Variants in RIMKLB observed in about 807,000 individuals in gnomAD.
RIMKLB encodes beta-citrylglutamate synthase B.
A neutral mutation model predicts 32.0 loss-of-function variants in RIMKLB; 7 were observed. That is an observed-to-expected ratio of 0.22 (90% CI 0.12 to 0.41). The LOEUF (loss-of-function observed/expected upper bound fraction) is 0.41. RIMKLB is among the 10% of genes least tolerant of loss of function. The probability of loss-of-function intolerance (pLI) is 1.00; values close to 1 mark genes in which losing one functional copy is unlikely to be tolerated. For missense variants in RIMKLB, 289 were observed against 498.7 expected (o/e 0.58, Z 4.00); for synonymous variants, 172 against 185.1 (o/e 0.93, Z 0.57).
chr12:8,716,575 T>TA (rs1944863530), intron 2 of RIMKLB, among the ~76,000 whole-genome samples: 1 of 148,668 alleles, frequency 6.7e-6, no homozygotes. Flanking sequence ...TTTTTTTTTT[T>TA]AGACTAAGAG....
chr12:8,692,472 G>A (rs774765535), upstream of RIMKLB, among the ~76,000 whole-genome samples: 34 of 152,086 alleles, frequency 2.2e-4, no homozygotes, highest in Non-Finnish European at 3.7e-4. Context: ...CAGAGGTCAA[G>A]GAATCTGCAT....
intron 2 of RIMKLB, among the ~76,000 whole-genome samples, chr12:8,718,661 ATATATATATGTGTGTGTGTGTGTGTGTG>A (rs1945114666): frequency 6.8e-5 from 8 of 118,400 alleles, no homozygotes; most frequent in African/African-American, 2.4e-4. Flanking sequence ...CTCTATATAT[ATATATATATGTGTGTGTGTGTGTGTGTG>A]TGTGTGTGTG....
intron 2 of RIMKLB, among the ~76,000 whole-genome samples, chr12:8,738,984 A>G (rs1362445348): frequency 6.6e-6 from 1 of 152,232 alleles, no homozygotes; most frequent in Non-Finnish European, 1.5e-5. Flanking sequence ...GCTTTGTCAC[A>G]TTTGAGGTTA....
chr12:8,724,945 C>G (rs1945837169), intron 2 of RIMKLB, among the ~76,000 whole-genome samples: 1 of 152,150 alleles, frequency 6.6e-6, no homozygotes, highest in Admixed American at 6.5e-5. Flanking sequence ...TGACACTGTC[C>G]TTCTTACCCT....
chr12:8,718,663 ATATATATGTGTGTGTGTGTG>A (rs1315322694), intron 2 of RIMKLB, among the ~76,000 whole-genome samples: 27 of 116,136 alleles, frequency 2.3e-4, no homozygotes, highest in African/African-American at 7.2e-4. Flanking sequence ...CTATATATAT[ATATATATGTGTGTGTGTGTG>A]TGTGTGTGTG....
At chr12:8,753,850 T>C (rs772223611) in intron 4 of RIMKLB, 40 bp from the exon 5 acceptor site, 8 of 1,508,792 alleles carry the variant, frequency 5.3e-6, no homozygotes, top group African/African-American at 2.7e-5. Flanking sequence ...CTGCCCACAA[T>C]TGATGACTTA....
Position 8,736,517 on chromosome 12 carries a change from C to CTTTTTT in RIMKLB, c.176-13331_176-13326dup, listed in dbSNP as rs1157484475. 5.0e-3 allele frequency among the ~76,000 whole-genome samples: 633 copies of CTTTTTT among 126,680 alleles called. 7 individuals are homozygous for CTTTTTT. The highest frequency in any genetic ancestry group is 0.018 in the African/African-American group (595 of 33,692). The allele number at this position is 126,680 out of a possible 152,430, so 83.1% of individuals were successfully genotyped here. On this transcript the variant is annotated intron_variant, in intron 2 of 5. Transcript: ENST00000535829. ...CCCCAAATTCTTAAGCATGTATTTC[C>CTTTTTT]TTTTTTTTTTTTTTTTTTTGACGGG...
intron 2 of RIMKLB, among the ~76,000 whole-genome samples, chr12:8,716,431 C>CTTTTTTTTTTT (rs11307521): frequency 9.8e-5 from 8 of 81,676 alleles, no homozygotes; most frequent in East Asian, 3.5e-4. Flanking sequence ...ATTAACATGT[C>CTTTTTTTTTTT]TTTTTTTTTT....
chr12:8,715,203 G>C (rs1050995550), intron 2 of RIMKLB, among the ~76,000 whole-genome samples: 17 of 147,460 alleles, frequency 1.2e-4, no homozygotes, highest in African/African-American at 4.3e-4. Flanking sequence ...TTGTTGTTTT[G>C]CTTAAATGGA....
chr12:8,752,116 G>A, intron 4 of RIMKLB, 73 bp downstream of exon 4: 1 of 961,508 alleles, frequency 1.0e-6, no homozygotes, highest in Non-Finnish European at 1.6e-6. Flanking sequence ...TGACTTTGAA[G>A]AATAGTTAGA....
At chr12:8,752,068 A>G (rs1336170622) in intron 4 of RIMKLB, 25 bp downstream of exon 4, 1 of 1,453,984 alleles carries the variant, frequency 6.9e-7, no homozygotes, top group Non-Finnish European at 9.6e-7. Flanking sequence ...TTGGTAAGGT[A>G]TATAGTTTTG....
chr12:8,683,840 C>G (rs1369930200), intron 1 of RIMKLB, among the ~76,000 whole-genome samples: 1 of 151,888 alleles, frequency 6.6e-6, no homozygotes. Flanking sequence ...CTCCACCTCC[C>G]GGGTTCAAGC....
chr12:8,774,938 A>G lies in RIMKLB; in HGVS notation c.*1154A>G, dbSNP rs1592035849. ...GCTTTTTGTTTCCATCAACTAATCA[A>G]AAAGGATAATTTAGAAAATGGAGCA... is the stretch of plus-strand genomic sequence containing the variant. On this transcript the variant is annotated 3_prime_UTR_variant, in exon 6 of 6. Transcript: ENST00000535829. 1 of 985,828 alleles carries G rather than the reference A, an allele frequency of 1.0e-6. No homozygotes were observed. Among genetic ancestry groups the G allele is most frequent in the East Asian group, 1.1e-4 (1 of 8,820 alleles). The allele number at this position is 985,828 out of a possible 1,614,324, so 61.1% of individuals were successfully genotyped here.
At chr12:8,715,386 C>A (rs558937192) in intron 2 of RIMKLB, among the ~76,000 whole-genome samples, 16 of 151,770 alleles carry the variant, frequency 1.1e-4, no homozygotes, top group Admixed American at 6.6e-5. Flanking sequence ...CCACCACGCC[C>A]GACTAATTTT....
At chr12:8,702,819 C>T (rs1422303844) in intron 1 of RIMKLB, among the ~76,000 whole-genome samples, 2 of 152,192 alleles carry the variant, frequency 1.3e-5, no homozygotes, top group African/African-American at 4.8e-5. Context: ...AGCTTTCTAA[C>T]TCCTTTTTCA....
chr12:8,725,945 TCAAGC>T, intron 2 of RIMKLB, among the ~76,000 whole-genome samples: 1 of 152,220 alleles, frequency 6.6e-6, no homozygotes, highest in East Asian at 1.9e-4. Context: ...CCTTCCAGGT[TCAAGC>T]GATTCTCCTG....
At chr12:8,705,196 G>T (rs1168879117) in intron 1 of RIMKLB, among the ~76,000 whole-genome samples, 1 of 151,954 alleles carries the variant, frequency 6.6e-6, no homozygotes, top group East Asian at 1.9e-4. Flanking sequence ...AGTAAAGTGG[G>T]CCAGGCATGG....
intron 4 of RIMKLB, 95 bp downstream of exon 4, chr12:8,752,138 A>C: frequency 1.2e-6 from 1 of 800,306 alleles, no homozygotes; most frequent in South Asian, 1.6e-5. Flanking sequence ...GGAAATTGTT[A>C]GATGCATGAT....
upstream of RIMKLB, among the ~76,000 whole-genome samples, chr12:8,692,583 T>G (rs1356734929): frequency 6.6e-6 from 1 of 152,346 alleles, no homozygotes; most frequent in Admixed American, 6.5e-5. Context: ...TCATGTTTCT[T>G]GCCAAGACTG....
Sources: allele counts gnomAD v4.1 joint callset (sites outside exome capture counted in the v4.1 genomes callset), GRCh38; gene constraint gnomAD v4.1.1; transcripts MANE v1.5; gene names NCBI Gene and HGNC (gene_info 2026-07-23, HGNC 2026-07-21).